Variants in CCN4 observed in about 807,000 individuals in gnomAD.
CCN4 encodes cellular communication network factor 4, also known as CCN family member 4.
A neutral mutation model predicts 36.7 loss-of-function variants in CCN4; 30 were observed. The observed-to-expected ratio is 0.82, with a 90% CI of 0.61 to 1.11. CCN4 has a LOEUF of 1.11. Ranked by LOEUF, CCN4 falls within the 50% of genes least tolerant of loss-of-function variation. CCN4 has a pLI of 0.00. For synonymous variants in CCN4, 191 were observed against 195.4 expected (o/e 0.98, Z 0.19); for missense variants, 505 against 504.9 (o/e 1.00, Z 0.00).
intron 1 of CCN4, among the ~76,000 whole-genome samples, chr8:133,194,511 G>A (rs1309033408): frequency 1.1e-5 from 1 of 93,074 alleles, no homozygotes; most frequent in African/African-American, 4.4e-5. Flanking sequence ...TGGAACATGA[G>A]TGTGGTGTGT....
At position 133,192,328 on chromosome 8, in the gene CCN4, C is replaced by A. The variant is rs139472743; in HGVS notation, c.69+1115C>A. Among the ~76,000 whole-genome samples the A allele has an allele frequency of 2.8e-3, 420 of 152,258 alleles. 3 individuals are homozygous for A. The highest frequency in any genetic ancestry group is 9.7e-3 in the African/African-American group (403 of 41,532). The stretch of plus-strand genomic sequence containing the variant: ...AACTGAGACCTGGGAAATAGGAATT[C>A]CTCTCAATGCCTCGGTGTGTGTAAT... On this transcript the variant is annotated intron_variant, in intron 1 of 4. Coordinates refer to ENST00000250160, the MANE Select transcript of CCN4 (RefSeq NM_003882.4).
chr8:133,214,845 A>G (rs1854262108), intron 2 of CCN4, among the ~76,000 whole-genome samples: 2 of 152,176 alleles, frequency 1.3e-5, no homozygotes, highest in Non-Finnish European at 2.9e-5. Flanking sequence ...ACATAGTCAC[A>G]CACAACGTAG....
At position 133,207,994 on chromosome 8, in the gene CCN4, G is replaced by GGTTTTTTT. The variant is rs1853842963; in HGVS notation, c.70-4870_70-4869insGTTTTTTT. On this transcript the variant is annotated intron_variant, in intron 1 of 4. Transcript: ENST00000250160. The stretch of plus-strand genomic sequence containing the variant: ...ATGGTGCACTCACTACCTTTCAGCT[G>GGTTTTTTT]TTTTTTTTTTTTTTCATCAGAAAAT... Among the ~76,000 whole-genome samples the GGTTTTTTT allele has an allele frequency of 7.1e-5, 10 of 141,684 alleles. No individual in the cohort carries two copies. In the South Asian group the frequency reaches 2.1e-3, roughly 29 times the overall value. 93.0% of individuals were successfully genotyped at this position (141,684 alleles called of 152,430 possible).
chr8:133,191,334 C>T, intron 1 of CCN4, 121 bp downstream of exon 1: 1 of 1,199,544 alleles, frequency 8.3e-7, no homozygotes, highest in Non-Finnish European at 1.1e-6. Flanking sequence ...GGAAGGTGGC[C>T]ACTTACAGGG....
At chr8:133,210,094 C>T (rs1853947608) in intron 1 of CCN4, among the ~76,000 whole-genome samples, 1 of 152,196 alleles carries the variant, frequency 6.6e-6, no homozygotes, top group Non-Finnish European at 1.5e-5. Context: ...ATCCCCCATC[C>T]ATCCATTTCA....
intron 1 of CCN4, among the ~76,000 whole-genome samples, chr8:133,194,025 C>T (rs370477408): frequency 9.8e-5 from 15 of 152,340 alleles, no homozygotes; most frequent in African/African-American, 3.4e-4. Context: ...CTCACCACAC[C>T]AAGCTCCCTG....
intron 1 of CCN4, among the ~76,000 whole-genome samples, chr8:133,194,681 TGTG>T (rs1481567804): frequency 7.9e-5 from 8 of 101,458 alleles, no homozygotes; most frequent in Non-Finnish European, 1.5e-4. Context: ...GTGGTGTGTG[TGTG>T]GTGTGTGTGT....
intron 4 of CCN4, among the ~76,000 whole-genome samples, chr8:133,226,525 T>C (rs1336522405): frequency 1.3e-5 from 2 of 152,340 alleles, no homozygotes; most frequent in Non-Finnish European, 2.9e-5. Flanking sequence ...TTGTATTTTC[T>C]GCGCTTGGTA....
chr8:133,205,936 C>T (rs1033796153), intron 1 of CCN4, among the ~76,000 whole-genome samples: 4 of 152,178 alleles, frequency 2.6e-5, no homozygotes, highest in African/African-American at 4.8e-5. Flanking sequence ...ATACCCATTG[C>T]TTACACAGAA....
At chr8:133,196,887 A>AC (rs1365983148) in intron 1 of CCN4, among the ~76,000 whole-genome samples, 1 of 151,986 alleles carries the variant, frequency 6.6e-6, no homozygotes, top group African/African-American at 2.4e-5. Context: ...GTTTATAAAG[A>AC]CCTCAGGCTC....
chr8:133,192,620 G>A lies in CCN4; in HGVS notation c.69+1407G>A, dbSNP rs115982150. ...CTGTGTCCTACAGGAGTGCCCAGAA[G>A]GAGCTAAGTCGCTGTTTATTTCGGC... is the stretch of plus-strand genomic sequence containing the variant. On this transcript the variant is annotated intron_variant, in intron 1 of 4. Transcript: ENST00000250160. Among the ~76,000 whole-genome samples, 361 of 152,364 alleles carry A rather than the reference G, an allele frequency of 2.4e-3. 3 individuals carry two copies. Among genetic ancestry groups the A allele is most frequent in the African/African-American group, 8.3e-3 (347 of 41,588 alleles).
chr8:133,197,730 G>A (rs1479561259), intron 1 of CCN4, among the ~76,000 whole-genome samples: 2 of 152,170 alleles, frequency 1.3e-5, no homozygotes, highest in Non-Finnish European at 2.9e-5. Flanking sequence ...TTTGAGTGTG[G>A]ATCTGCTAAG....
In CCN4 at chr8:133,195,101, G is replaced by A. The variant is rs187686525; in HGVS notation, c.69+3888G>A. On this transcript the variant is annotated intron_variant, in intron 1 of 4. Coordinates refer to ENST00000250160, the MANE Select transcript of CCN4 (RefSeq NM_003882.4). ...GTGTGCTTGTGTGTGTGTGGTGTGC[G>A]TGGTGCTTGTGCATGGTGTGTGTAT... Among the ~76,000 whole-genome samples the A allele has an allele frequency of 5.1e-3, 754 of 148,816 alleles. 4 individuals are homozygous for A. The highest frequency in any genetic ancestry group is 0.013 in the South Asian group (63 of 4,672).
chr8:133,226,267 C>T (rs544959958), intron 4 of CCN4, among the ~76,000 whole-genome samples: 2 of 152,310 alleles, frequency 1.3e-5, no homozygotes, highest in South Asian at 4.1e-4. Flanking sequence ...ACAAAAAATT[C>T]AACAGTTATT....
At chr8:133,192,858 G>A (rs78539437) in intron 1 of CCN4, among the ~76,000 whole-genome samples, 3 of 152,202 alleles carry the variant, frequency 2.0e-5, no homozygotes, top group Admixed American at 6.5e-5. Context: ...GGACAGAGCC[G>A]AGGACTCAGC....
intron 1 of CCN4, among the ~76,000 whole-genome samples, chr8:133,195,870 A>T (rs533734956): frequency 1.3e-5 from 2 of 152,330 alleles, no homozygotes; most frequent in African/African-American, 4.8e-5. Context: ...CAACCCAGGG[A>T]TCTTCCCAGG....
At position 133,220,832 on chromosome 8, in the gene CCN4, G is replaced by A. The variant is rs200794072; in HGVS notation, c.601G>A (p.Gly201Arg). The A allele has an allele frequency of 9.4e-6, 15 of 1,598,844 alleles. No individual in the cohort carries two copies. In the East Asian group the frequency reaches 2.9e-4, roughly 31 times the overall value. ...RPRKTAPRDT[G>R]AFDAVGEVEA... ...ACGCAAGACCGCACCCCGTGACACA[G>A]GAGCCTTCGGTGGGTGTGGGCCCGA... The change falls in exon 3 of 5, where the codon GGA becomes AGA. Residue 201 changes from glycine to arginine, a missense_variant. Coordinates refer to ENST00000250160, the MANE Select transcript of CCN4 (RefSeq NM_003882.4).
intron 3 of CCN4, among the ~76,000 whole-genome samples, chr8:133,224,113 G>A (rs1158863059): frequency 6.6e-6 from 1 of 152,104 alleles, no homozygotes; most frequent in Non-Finnish European, 1.5e-5. Flanking sequence ...AACCCCATGT[G>A]CAGGTGGGGA....
At chr8:133,192,218 G>A (rs749754473) in intron 1 of CCN4, among the ~76,000 whole-genome samples, 2 of 152,190 alleles carry the variant, frequency 1.3e-5, no homozygotes, top group Non-Finnish European at 2.9e-5. Context: ...CACAGATAAG[G>A]AAACCGTGTG....
Sources: allele counts gnomAD v4.1 joint callset (sites outside exome capture counted in the v4.1 genomes callset), GRCh38; gene constraint gnomAD v4.1.1; transcripts MANE v1.5; gene names NCBI Gene and HGNC (gene_info 2026-07-23, HGNC 2026-07-21).